Variants in TNRC6B observed in about 807,000 individuals in gnomAD.
TNRC6B encodes trinucleotide repeat-containing gene 6B protein.
In TNRC6B, 52 loss-of-function variants were observed where a neutral mutation model predicts 203.6. That is an observed-to-expected ratio of 0.26 (90% CI 0.20 to 0.32). TNRC6B has a LOEUF of 0.32. Ranked by LOEUF, TNRC6B falls within the 10% of genes least tolerant of loss-of-function variation. TNRC6B has a pLI of 1.00. For missense variants in TNRC6B, 1,923 were observed against 2,286.2 expected (o/e 0.84, Z 3.24); for synonymous variants, 838 against 845.7 (o/e 0.99, Z 0.16).
chr22:40,217,575 C>G (rs948482678), intron 1 of TNRC6B, among the ~76,000 whole-genome samples: 1 of 152,156 alleles, frequency 6.6e-6, no homozygotes, highest in Non-Finnish European at 1.5e-5. Context: ...TTTACACATC[C>G]AAATCCATGT....
chr22:40,226,211 C>G (rs997402625), intron 1 of TNRC6B, among the ~76,000 whole-genome samples: 2 of 152,186 alleles, frequency 1.3e-5, no homozygotes, highest in African/African-American at 4.8e-5. Flanking sequence ...AAGAACACGA[C>G]TTTCCATTTT....
intron 3 of TNRC6B, among the ~76,000 whole-genome samples, chr22:40,133,073 T>G (rs1372109852): frequency 6.7e-6 from 1 of 150,298 alleles, no homozygotes; most frequent in Admixed American, 6.8e-5. Context: ...ACCTATTTTA[T>G]TTGGCATTTA....
intron 3 of TNRC6B, among the ~76,000 whole-genome samples, chr22:40,141,962 G>A (rs771576608): frequency 5.3e-5 from 8 of 151,548 alleles, no homozygotes; most frequent in Non-Finnish European, 1.0e-4. Context: ...TTTTAGTACC[G>A]TGTTAGCCAG....
chr22:40,053,952 C>G (rs943613932), intron 1 of TNRC6B, among the ~76,000 whole-genome samples: 6 of 152,164 alleles, frequency 3.9e-5, no homozygotes, highest in African/African-American at 1.4e-4. Context: ...TGCACAGGCT[C>G]GTGCCTGTAA....
intron 1 of TNRC6B, among the ~76,000 whole-genome samples, chr22:40,113,872 A>G (rs1347230055): frequency 1.3e-5 from 2 of 152,036 alleles, no homozygotes; most frequent in African/African-American, 2.4e-5. Context: ...CACTTAAGAC[A>G]TCTCTTCTGG....
chr22:40,199,591 A>C (rs913131745), intron 1 of TNRC6B, among the ~76,000 whole-genome samples: 3 of 152,176 alleles, frequency 2.0e-5, no homozygotes, highest in Non-Finnish European at 4.4e-5. Context: ...GAATGATTCT[A>C]AACCGAAGGA....
At chr22:40,268,707 C>T (rs889001578) in intron 5 of TNRC6B, among the ~76,000 whole-genome samples, 76 of 151,852 alleles carry the variant, frequency 5.0e-4, no homozygotes, top group Admixed American at 2.4e-3. Context: ...GTCAGGAGAT[C>T]GAGACCATCT....
intron 4 of TNRC6B, among the ~76,000 whole-genome samples, chr22:40,169,092 C>T (rs916296949): frequency 6.7e-6 from 1 of 150,040 alleles, no homozygotes; most frequent in African/African-American, 2.5e-5. Context: ...TGGTTGTTGA[C>T]TGCATGAATG....
rs2070471161 is a variant in TNRC6B, at chr22:40,265,866, C to T, written c.1636C>T (p.Leu546Phe). Reference sequence around the variant, plus strand: ...ATGGGACAATCAAAAGGGCCACCCCCTCCCTGAAAACCAAGGCAATGCCCA... The same window carrying T: ...ATGGGACAATCAAAAGGGCCACCCCTTCCCTGAAAACCAAGGCAATGCCCA... Reference protein sequence around the residue: ...GAWDNQKGHPLPENQGNAQAP... With the variant: ...GAWDNQKGHPFPENQGNAQAP... Residue 546 changes from leucine (L) to phenylalanine (F), a missense_variant, in exon 5 of 23, where the codon CTC becomes TTC. Around this residue, in one of 8 missense-constraint regions of TNRC6B, gnomAD observed 614 missense variants for 587.7 expected, o/e 1.04. Coordinates refer to ENST00000454349, the MANE Select transcript of TNRC6B (RefSeq NM_001162501.2). 1.2e-6 allele frequency: 2 copies of T among 1,614,016 alleles called. No individual in the cohort carries two copies. Among genetic ancestry groups the T allele is most frequent in the South Asian group, 1.1e-5 (1 of 91,078 alleles).
At chr22:40,069,832 C>T (rs761111410) in intron 1 of TNRC6B, among the ~76,000 whole-genome samples, 1 of 152,140 alleles carries the variant, frequency 6.6e-6, no homozygotes, top group East Asian at 1.9e-4. Context: ...CTTTTCTATA[C>T]CACACATTTA....
At chr22:40,237,779 G>A (rs992203383) in intron 1 of TNRC6B, among the ~76,000 whole-genome samples, 8 of 152,010 alleles carry the variant, frequency 5.3e-5, no homozygotes, top group African/African-American at 1.7e-4. Flanking sequence ...CGCTACGGAC[G>A]CCTCATGGAA....
chr22:40,230,684 T>C lies in TNRC6B; in HGVS notation c.6-15331T>C, dbSNP rs149218506. ...ATTTGCAGATAACTTTTTCTCAGTC[T>C]GTGGCTTAATCTTTTTATTCTCTTA... is the stretch of plus-strand genomic sequence containing the variant. On this transcript the variant is annotated intron_variant, in intron 1 of 22. Transcript: ENST00000454349. Among the ~76,000 whole-genome samples, 12 of 152,336 alleles carry C rather than the reference T, an allele frequency of 7.9e-5. No homozygotes were observed. The East Asian group carries it at 2.1e-3, about 27-fold the overall frequency.
intron 11 of TNRC6B, among the ~76,000 whole-genome samples, chr22:40,284,410 A>T (rs1320590588): frequency 6.6e-6 from 1 of 152,188 alleles, no homozygotes; most frequent in Non-Finnish European, 1.5e-5. Context: ...ATGTGATTCC[A>T]GGGTTATGAT....
chr22:40,173,915 T>C (rs1405048016), upstream of TNRC6B, among the ~76,000 whole-genome samples: 2 of 148,198 alleles, frequency 1.3e-5, no homozygotes, highest in Admixed American at 6.8e-5. Context: ...GTAATTGTCC[T>C]GCCTTAGCCT....
intron 1 of TNRC6B, among the ~76,000 whole-genome samples, chr22:40,053,171 A>C (rs891395009): frequency 5.3e-5 from 8 of 152,152 alleles, no homozygotes; most frequent in East Asian, 3.9e-4. Flanking sequence ...AAAAAAAAAA[A>C]AAAAAAACTA....
chr22:40,277,832 T>C (rs571025945), intron 8 of TNRC6B, among the ~76,000 whole-genome samples, 167 bp from the exon 9 acceptor site: 1 of 152,310 alleles, frequency 6.6e-6, no homozygotes, highest in South Asian at 2.1e-4. Context: ...CAAACAGCAA[T>C]CAAGCTAGCA....
At chr22:40,232,188 G>A (rs574451910) in intron 1 of TNRC6B, among the ~76,000 whole-genome samples, 1 of 152,338 alleles carries the variant, frequency 6.6e-6, no homozygotes, top group Admixed American at 6.5e-5. Context: ...TTCCAAGAAA[G>A]CAAATGACCT....
intron 1 of TNRC6B, among the ~76,000 whole-genome samples, chr22:40,078,577 C>T (rs1363798867): frequency 2.0e-5 from 3 of 151,538 alleles, no homozygotes; most frequent in African/African-American, 7.3e-5. Flanking sequence ...GAAGCAGTAT[C>T]TACTTTTTAT....
intron 3 of TNRC6B, among the ~76,000 whole-genome samples, chr22:40,140,837 C>T (rs1180091590): frequency 2.6e-5 from 4 of 152,018 alleles, no homozygotes; most frequent in Admixed American, 2.0e-4. Context: ...GATGGGGTTT[C>T]ACCATATTGG....
Sources: gnomAD v4.1 joint callset for allele counts (sites outside exome capture counted in the v4.1 genomes callset) on GRCh38, gnomAD v4.1.1 for gene constraint, gnomAD v4.1.1 regional missense constraint, MANE v1.5 for transcripts, NCBI Gene and HGNC (gene_info 2026-07-23, HGNC 2026-07-21) for gene names.